XIRP2: variants seen among roughly 807,000 people sequenced by gnomAD.
XIRP2 encodes the protein xin actin-binding repeat-containing protein 2.
XIRP2 carries 236 observed loss-of-function variants against 277.0 expected under a neutral mutation model. The ratio of observed to expected loss-of-function variants is 0.85; its 90% CI spans 0.77 to 0.95. The LOEUF is 0.95. XIRP2 is among the 40% of genes least tolerant of loss of function. The probability of loss-of-function intolerance (pLI) is 0.00; values close to 1 mark genes in which losing one functional copy is unlikely to be tolerated. For synonymous variants in XIRP2, 1,490 were observed against 1,416.5 expected, an observed-to-expected ratio of 1.05 and a Z score of -1.17; for missense variants, 4,640 against 4,157.5, an observed-to-expected ratio of 1.12 and a Z score of -3.19.
chr2:167,121,684 A>T (rs1437200398), intron 2 of XIRP2, among the ~76,000 whole-genome samples: 1 of 152,202 alleles, frequency 6.6e-6, no homozygotes, highest in Non-Finnish European at 1.5e-5. Context: ...AATGAGAGTG[A>T]CTGCGGCAAG....
intron 2 of XIRP2, among the ~76,000 whole-genome samples, chr2:167,098,650 T>G (rs1690395478): frequency 6.6e-6 from 1 of 152,256 alleles, no homozygotes; most frequent in Non-Finnish European, 1.5e-5. Flanking sequence ...TCAGCCTTTT[T>G]GCATGGGCTT....
Position 167,244,753 on chromosome 2 carries a change from A to G in XIRP2, c.3361A>G (p.Lys1121Glu), listed in dbSNP as rs1695192395. Residue 1121 changes from lysine to glutamate, a missense_variant, in exon 9 of 11, where the codon AAG (lysine) becomes GAG (glutamate). Transcript: ENST00000409195. ...AATGACCAGCAGTGAAGAAATTCAT[A>G]AGGGAGATGTCAAAACTTGTACTTG... ...SLMTSSEEIH[K>E]GDVKTCTWLF... 6.8e-6 allele frequency: 11 copies of G among 1,613,226 alleles called. No homozygotes were observed. Among genetic ancestry groups the G allele is most frequent in the Non-Finnish European group, 9.3e-6 (11 of 1,179,700 alleles).
At chr2:167,034,214 T>C (rs185229986) in intron 2 of XIRP2, among the ~76,000 whole-genome samples, 2 of 152,250 alleles carry the variant, frequency 1.3e-5, no homozygotes, top group East Asian at 3.9e-4. Context: ...CAATCAGTGT[T>C]GTCATCAGTT....
At chr2:167,015,974 ACT>A (rs1687817651) in intron 2 of XIRP2, among the ~76,000 whole-genome samples, 1 of 151,072 alleles carries the variant, frequency 6.6e-6, no homozygotes, top group Non-Finnish European at 1.5e-5. Context: ...CATATATCCA[ACT>A]CTCTCTTCCA....
At chr2:167,137,660 A>G (rs1691593532) in intron 3 of XIRP2, among the ~76,000 whole-genome samples, 1 of 152,204 alleles carries the variant, frequency 6.6e-6, no homozygotes, top group Non-Finnish European at 1.5e-5. Flanking sequence ...TGTAACCACT[A>G]TTTACTGTCA....
rs776625517 is a variant in XIRP2, at chr2:167,244,921, A to G, written c.3529A>G (p.Ile1177Val). 1 of 1,613,100 alleles carries G rather than the reference A, an allele frequency of 6.2e-7. No individual in the cohort carries two copies. Among genetic ancestry groups the G allele is most frequent in the Admixed American group, 1.7e-5 (1 of 59,888 alleles). Reference protein sequence around the residue: ...FLFETENLDSIQGEEVKEIKP... With the variant: ...FLFETENLDSVQGEEVKEIKP... ...TTTTGAGACAGAAAATTTGGACAGC[A>G]TACAAGGAGAAGAAGTGAAGGAAAT... Residue 1177 changes from isoleucine to valine, a missense_variant, in exon 9 of 11, where the codon ATA becomes GTA. Physicochemically the swap from Ile to Val is conservative, Grantham distance 29 (BLOSUM62 3). Coordinates refer to ENST00000409195, the MANE Select transcript of XIRP2 (RefSeq NM_152381.6).
intron 2 of XIRP2, among the ~76,000 whole-genome samples, chr2:167,031,352 T>C (rs867638862): frequency 3.9e-5 from 6 of 152,088 alleles, no homozygotes; most frequent in South Asian, 2.1e-4. Context: ...TTTCCATATT[T>C]AGTGCTTCCT....
At chr2:167,054,385 G>A (rs1481145266) in intron 2 of XIRP2, among the ~76,000 whole-genome samples, 4 of 152,012 alleles carry the variant, frequency 2.6e-5, no homozygotes, top group Admixed American at 2.0e-4. Context: ...TGTGTTCTGA[G>A]GTCAAAAGGA....
In XIRP2 at chr2:167,250,748, C is replaced by T. The variant is rs1189416135; in HGVS notation, c.9356C>T (p.Pro3119Leu). The T allele has an allele frequency of 2.9e-5, 47 of 1,613,378 alleles. No individual in the cohort carries two copies. The highest frequency in any genetic ancestry group is 3.8e-5 in the Non-Finnish European group (45 of 1,179,730). The stretch of plus-strand genomic sequence containing the variant: ...CCTCCCTCTTTAAAAACACGCCCAC[C>T]GTCACCAACTTTTATCACAATAGAA... ...IPPPSLKTRP[P>L]SPTFITIEST... The change falls in exon 9 of 11, where the codon CCG (proline) becomes CTG (leucine). Residue 3119 changes from proline to leucine, a missense_variant. By Grantham distance (98) the Pro-to-Leu change is moderately conservative (BLOSUM62 -3). Transcript: ENST00000409195.
At chr2:167,062,948 T>A (rs940219563) in intron 2 of XIRP2, among the ~76,000 whole-genome samples, 3 of 151,952 alleles carry the variant, frequency 2.0e-5, no homozygotes, top group Non-Finnish European at 4.4e-5. Flanking sequence ...TTTTATTAAT[T>A]TCTGTTCTTA....
In XIRP2 at chr2:167,248,996, C is replaced by G; in HGVS notation, c.7604C>G (p.Pro2535Arg). The change falls in exon 9 of 11, where the codon CCT becomes CGT. Residue 2535 changes from proline to arginine, a missense_variant. Coordinates refer to ENST00000409195, the MANE Select transcript of XIRP2 (RefSeq NM_152381.6). ...AGTTCAGGACAACAAAATCCAAAAC[C>G]TTATATGAGAAAATTTAAGACACCT... ...PESSGQQNPK[P>R]YMRKFKTPLM... 1 of 1,611,502 alleles carries G rather than the reference C, an allele frequency of 6.2e-7. No homozygotes were observed.
chr2:167,148,880 G>T (rs1041817232), intron 3 of XIRP2, among the ~76,000 whole-genome samples: 2 of 151,866 alleles, frequency 1.3e-5, no homozygotes, highest in African/African-American at 4.8e-5. Context: ...ATTTTAGGGA[G>T]GTAAGCAAGC....
chr2:166,917,942 A>G (rs1192248415), intron 2 of XIRP2, among the ~76,000 whole-genome samples: 1 of 152,204 alleles, frequency 6.6e-6, no homozygotes, highest in East Asian at 1.9e-4. Context: ...TTCATACTCT[A>G]TCAGGTTCTT....
At chr2:167,239,359 G>A (rs1054177350) in intron 5 of XIRP2, among the ~76,000 whole-genome samples, 1 of 152,198 alleles carries the variant, frequency 6.6e-6, no homozygotes, top group Non-Finnish European at 1.5e-5. Context: ...GGAGAATTAA[G>A]TTGCAGATGG....
intron 2 of XIRP2, among the ~76,000 whole-genome samples, chr2:167,103,583 C>T (rs1048954876): frequency 1.3e-5 from 2 of 152,164 alleles, no homozygotes; most frequent in Non-Finnish European, 2.9e-5. Flanking sequence ...CAATCTGCGG[C>T]AATGCTCTAG....
At chr2:167,089,008 G>T (rs977801974) in intron 2 of XIRP2, among the ~76,000 whole-genome samples, 1 of 152,122 alleles carries the variant, frequency 6.6e-6, no homozygotes, top group Non-Finnish European at 1.5e-5. Context: ...CTCAACAAAT[G>T]TTTGGTAAAT....
At position 166,903,813 on chromosome 2, in the gene XIRP2, T is replaced by A; in HGVS notation, c.331T>A (p.Ser111Thr). 6.2e-7 allele frequency: 1 copy of A among 1,613,720 alleles called. No homozygotes were observed. Among genetic ancestry groups the A allele is most frequent in the Non-Finnish European group, 8.5e-7 (1 of 1,179,788 alleles). Reference sequence around the variant, plus strand: ...CAGTCGGCGCAGGATTGAACGCTTTTCCATTGCCCTTGATGAGCTGAGGAG... The same window carrying A: ...CAGTCGGCGCAGGATTGAACGCTTTACCATTGCCCTTGATGAGCTGAGGAG... Reference protein sequence around the residue: ...LSSRRRIERFSIALDELRSVF... With the variant: ...LSSRRRIERFTIALDELRSVF... Residue 111 changes from serine to threonine, a missense_variant, in exon 2 of 11, where the codon TCC becomes ACC. Transcript: ENST00000409195.
At chr2:166,935,614 C>T (rs372394249) in intron 2 of XIRP2, among the ~76,000 whole-genome samples, 4 of 152,228 alleles carry the variant, frequency 2.6e-5, no homozygotes, top group African/African-American at 9.6e-5. Flanking sequence ...TTCCTGTGTC[C>T]ATGTGTTCTC....
At chr2:167,181,115 T>A (rs1692995440) in intron 3 of XIRP2, among the ~76,000 whole-genome samples, 1 of 152,192 alleles carries the variant, frequency 6.6e-6, no homozygotes, top group Non-Finnish European at 1.5e-5. Context: ...CATCCCTATC[T>A]TTTCCTTTTC....
Sources: gnomAD v4.1 joint callset for allele counts (sites outside exome capture counted in the v4.1 genomes callset) on GRCh38, gnomAD v4.1.1 for gene constraint, MANE v1.5 for transcripts, NCBI Gene and HGNC (gene_info 2026-07-23, HGNC 2026-07-21) for gene names.